The following FRMD3 variants were observed in gnomAD, a reference collection of about 807,000 sequenced individuals.
FRMD3 encodes the protein FERM domain containing 3.
In FRMD3, 33 loss-of-function variants were observed where a neutral mutation model predicts 70.2. The observed-to-expected ratio is 0.47, with a 90% CI of 0.36 to 0.63. The LOEUF is 0.63. FRMD3 is among the 20% of genes least tolerant of loss of function. The probability of loss-of-function intolerance (pLI) is 0.00; values close to 1 mark genes in which losing one functional copy is unlikely to be tolerated. For synonymous variants in FRMD3, 279 were observed against 255.9 expected (o/e 1.09, Z -0.86); for missense variants, 632 against 711.4 (o/e 0.89, Z 1.27).
At chr9:83,416,745 G>GTCTCTCTCTCTCTCTCTCTCTCTCTCTC (rs1184226415) in intron 1 of FRMD3, among the ~76,000 whole-genome samples, 5 of 102,284 alleles carry the variant, frequency 4.9e-5, no homozygotes, top group Non-Finnish European at 7.7e-5. Context: ...ATTTCTCTCT[G>GTCTCTCTCTCTCTCTCTCTCTCTCTCTC]TCTCTCTCTC....
At chr9:83,584,448 A>C in the FRMD3 span, among the ~76,000 whole-genome samples, 1 of 151,774 alleles carries the variant, frequency 6.6e-6, no homozygotes, top group African/African-American at 2.4e-5. Flanking sequence ...CTCCACATCC[A>C]ATCAGCCTCC....
At position 83,392,225 on chromosome 9, in the gene FRMD3, G is replaced by A. The variant is rs577285312; in HGVS notation, c.148-2517C>T. On this transcript the variant is annotated intron_variant, in intron 1 of 13. Coordinates refer to ENST00000304195, the MANE Select transcript of FRMD3 (RefSeq NM_174938.6). Reference sequence around the variant, plus strand: ...TGCAGTTCTGCCCTGGCCTCTGCACGTTGCCCAGCAAGCCTCACCACCCTG... The same window carrying A: ...TGCAGTTCTGCCCTGGCCTCTGCACATTGCCCAGCAAGCCTCACCACCCTG... Among the ~76,000 whole-genome samples the A allele has an allele frequency of 4.0e-4, 61 of 152,154 alleles. 1 individual carries two copies. Among genetic ancestry groups the A allele is most frequent in the African/African-American group, 1.2e-3 (51 of 41,506 alleles).
At chr9:83,511,517 A>C (rs1031428513) in intron 1 of FRMD3, among the ~76,000 whole-genome samples, 6 of 152,210 alleles carry the variant, frequency 3.9e-5, no homozygotes, top group Admixed American at 3.9e-4. Context: ...ATGATACCAT[A>C]AAAATAAAAA....
chr9:83,583,496 T>C, the FRMD3 span, among the ~76,000 whole-genome samples: 6 of 152,196 alleles, frequency 3.9e-5, no homozygotes, highest in African/African-American at 7.2e-5. Context: ...ACCATTTTAC[T>C]CAAAGTATAA....
rs116165256 is a variant in FRMD3, at chr9:83,463,546, C to T, written c.148-73838G>A. 3.1e-3 allele frequency among the ~76,000 whole-genome samples: 473 copies of T among 152,274 alleles called. 1 individual carries two copies. Among genetic ancestry groups the T allele is most frequent in the African/African-American group, 0.011 (455 of 41,552 alleles). Reference sequence around the variant, plus strand: ...ATGAGAACAGTAGCATAGGGGTAAACGCCCCCATGATTCAATTACCTCCCA... The same window carrying T: ...ATGAGAACAGTAGCATAGGGGTAAATGCCCCCATGATTCAATTACCTCCCA... On this transcript the variant is annotated intron_variant, in intron 1 of 13. Coordinates refer to ENST00000304195, the MANE Select transcript of FRMD3 (RefSeq NM_174938.6).
chr9:83,422,534 TTAA>T (rs1319715096), intron 1 of FRMD3, among the ~76,000 whole-genome samples: 1 of 152,232 alleles, frequency 6.6e-6, no homozygotes, highest in Non-Finnish European at 1.5e-5. Context: ...AGTAAATAGT[TTAA>T]TGTTAGAATA....
the FRMD3 span, among the ~76,000 whole-genome samples, chr9:83,562,393 T>A: frequency 3.3e-5 from 5 of 152,182 alleles, no homozygotes; most frequent in African/African-American, 1.2e-4. Context: ...CCAAGGTGGC[T>A]ATAGCAGCTG....
In FRMD3 at chr9:83,456,232, T is replaced by C. The variant is rs113288213; in HGVS notation, c.148-66524A>G. Among the ~76,000 whole-genome samples, 1,071 of 152,370 alleles carry C rather than the reference T, an allele frequency of 7.0e-3. 12 individuals carry two copies. The highest frequency in any genetic ancestry group is 0.024 in the African/African-American group (1,008 of 41,576). ...AGTATAGTTTATAGACCTTTTTATA[T>C]TGATGCATATGAGCTGCCTTGTTCT... On this transcript the variant is annotated intron_variant, in intron 1 of 13. Transcript: ENST00000304195.
At chr9:83,260,715 A>C (rs1163555246) in intron 13 of FRMD3, among the ~76,000 whole-genome samples, 1 of 152,208 alleles carries the variant, frequency 6.6e-6, no homozygotes, top group East Asian at 1.9e-4. Context: ...TAGAAATAAA[A>C]TAAACTTTAT....
intron 13 of FRMD3, among the ~76,000 whole-genome samples, chr9:83,266,245 G>A (rs1213897775): frequency 6.6e-6 from 1 of 151,912 alleles, no homozygotes. Flanking sequence ...TTTTATACAA[G>A]AACACATCAT....
At position 83,245,471 on chromosome 9, in the gene FRMD3, T is replaced by A. The variant is rs1832049213; in HGVS notation, c.*2447A>T. ...GACCCTATTCTGTCAACTTCTTCAC[T>A]TAAAAACATTTCTATTCAACAATGA... On this transcript the variant is annotated 3_prime_UTR_variant, in exon 14 of 14. Coordinates refer to ENST00000304195, the MANE Select transcript of FRMD3 (RefSeq NM_174938.6). The A allele has an allele frequency of 1.0e-6, 1 of 984,812 alleles. No homozygotes were observed. 61.0% of individuals were successfully genotyped at this position (984,812 alleles called of 1,614,324 possible).
chr9:83,446,446 G>A (rs1385078434), intron 1 of FRMD3, among the ~76,000 whole-genome samples: 1 of 152,048 alleles, frequency 6.6e-6, no homozygotes, highest in Non-Finnish European at 1.5e-5. Flanking sequence ...AGGAAATCAA[G>A]ACCATCCTGG....
intron 3 of FRMD3, among the ~76,000 whole-genome samples, chr9:83,358,966 C>G (rs188709123): frequency 6.6e-6 from 1 of 152,222 alleles, no homozygotes; most frequent in Admixed American, 6.5e-5. Context: ...ATAAGCCAGC[C>G]ACAGAGAGTG....
Position 83,538,029 on chromosome 9 carries a change from G to C in FRMD3, c.147+56C>G, listed in dbSNP as rs1829937546. The C allele has an allele frequency of 6.3e-7, 1 of 1,587,618 alleles. No homozygotes were observed. Among genetic ancestry groups the C allele is most frequent in the East Asian group, 2.3e-5 (1 of 44,320 alleles). On this transcript the variant is annotated intron_variant, in intron 1 of 13. Transcript: ENST00000304195. This position sits in a 1 kb window ranked among gnomAD's most constrained non-coding sequence, Gnocchi z 4.7. ...TTGTTCTCGCATGCCCACCGCAAAG[G>C]CCCCCCGCCCTGCTCCCGGCGTGTG... is the stretch of plus-strand genomic sequence containing the variant.
At chr9:83,526,176 G>A (rs1346968011) in intron 1 of FRMD3, among the ~76,000 whole-genome samples, 1 of 152,202 alleles carries the variant, frequency 6.6e-6, no homozygotes, top group African/African-American at 2.4e-5. Context: ...TCACAGGTGT[G>A]TGACTTGCAC....
chr9:83,434,361 C>A (rs1045166639), intron 1 of FRMD3, among the ~76,000 whole-genome samples: 1 of 152,178 alleles, frequency 6.6e-6, no homozygotes, highest in African/African-American at 2.4e-5. Flanking sequence ...TGGCCCTGGC[C>A]CTTCCTGGTT....
chr9:83,293,870 A>G (rs1447189130), intron 12 of FRMD3, among the ~76,000 whole-genome samples: 3 of 152,214 alleles, frequency 2.0e-5, no homozygotes, highest in Non-Finnish European at 4.4e-5. Flanking sequence ...TTCTTCCCTG[A>G]TAAGTATAAG....
At chr9:83,434,818 GC>G (rs1827086304) in intron 1 of FRMD3, among the ~76,000 whole-genome samples, 1 of 76,384 alleles carries the variant, frequency 1.3e-5, no homozygotes, top group Non-Finnish European at 2.5e-5. Flanking sequence ...CCACCCCTCT[GC>G]TTTTTTTTTT....
chr9:83,407,300 A>G (rs9314713), intron 1 of FRMD3, among the ~76,000 whole-genome samples: 28,823 of 152,202 alleles, frequency 0.19, 3,083 homozygotes, highest in African/African-American at 0.28. Context: ...AAACCATAAC[A>G]AAGCACCATT....
Sources: gnomAD v4.1 joint callset for allele counts (sites outside exome capture counted in the v4.1 genomes callset) on GRCh38, gnomAD v4.1.1 for gene constraint, Gnocchi (gnomAD v3.1) non-coding constraint, MANE v1.5 for transcripts, NCBI Gene and HGNC (gene_info 2026-07-23, HGNC 2026-07-21) for gene names.